The following SAA4 variants were observed in gnomAD, a reference collection of about 807,000 sequenced individuals.
SAA4 encodes serum amyloid A4, constitutive, also known as serum amyloid A-4 protein.
In SAA4, 8 loss-of-function variants were observed where a neutral mutation model predicts 11.2. The ratio of observed to expected loss-of-function variants is 0.71; its 90% confidence interval spans 0.42 to 1.29. SAA4 has a LOEUF of 1.29. SAA4 is among the 50% of genes most tolerant of loss of function. SAA4 has a pLI of 0.01. For synonymous variants in SAA4, 60 were observed against 56.2 expected (o/e 1.07, Z -0.30); for missense variants, 171 against 164.2 (o/e 1.04, Z -0.23).
Position 18,231,436 on chromosome 11 carries a change from C to A in SAA4, c.*66G>T. ...GACACAAAGCTCAGTGACCCTGTGT[C>A]CCTGTCTGGGGGGAGAAGTGTGTGG... On this transcript the variant is annotated 3_prime_UTR_variant, in exon 4 of 4. Coordinates refer to ENST00000278222, the MANE Select transcript of SAA4 (RefSeq NM_006512.4). The A allele has an allele frequency of 6.4e-7, 1 of 1,570,796 alleles. No individual in the cohort carries two copies. Among genetic ancestry groups the A allele is most frequent in the Non-Finnish European group, 8.6e-7 (1 of 1,161,932 alleles).
At chr11:18,231,717 C>T in intron 3 of SAA4, 53 bp from the exon 4 acceptor site, 1 of 1,555,946 alleles carries the variant, frequency 6.4e-7, no homozygotes, top group Non-Finnish European at 8.7e-7. Flanking sequence ...CACCTGCTCA[C>T]CTGAGACAGC....
At chr11:18,231,686 CAGG>C (rs758847966) in intron 3 of SAA4, 22 bp from the exon 4 acceptor site, 1 of 1,601,546 alleles carries the variant, frequency 6.2e-7, no homozygotes, top group Non-Finnish European at 8.5e-7. Context: ...AGAAAGGAGA[CAGG>C]AGATTAATCT....
At chr11:18,232,302 G>T (rs1857145929) in intron 3 of SAA4, 93 bp downstream of exon 3, 8 of 1,537,776 alleles carry the variant, frequency 5.2e-6, no homozygotes, top group Non-Finnish European at 7.0e-6. Flanking sequence ...CCAGGAGTAT[G>T]TGGAGGAGGG....
chr11:18,235,684 G>C, intron 2 of SAA4, 152 bp downstream of exon 2: 1 of 685,446 alleles, frequency 1.5e-6, no homozygotes, highest in Non-Finnish European at 2.4e-6. Context: ...TGATAAATCA[G>C]ACCAGCCTAG....
At chr11:18,236,201 G>A (rs1360832214) in intron 1 of SAA4, among the ~76,000 whole-genome samples, 4 of 148,224 alleles carry the variant, frequency 2.7e-5, no homozygotes, top group South Asian at 2.2e-4. Context: ...GACTACAAAC[G>A]TGCACCATCA....
intron 1 of SAA4, among the ~76,000 whole-genome samples, chr11:18,236,438 C>T (rs114523637): frequency 0.013 from 2,013 of 152,160 alleles, 45 homozygotes; most frequent in African/African-American, 0.046. Flanking sequence ...AAGATTGAAA[C>T]GGGTTTTAAG....
In SAA4 at chr11:18,231,922, G is replaced by T. The variant is rs970896697; in HGVS notation, c.231-258C>A. Among the ~76,000 whole-genome samples the T allele has an allele frequency of 9.0e-5, 10 of 110,734 alleles. No individual in the cohort carries two copies. The South Asian group carries it at 2.7e-3, about 30-fold the overall frequency. The allele number at this position is 110,734 out of a possible 152,430, so 72.6% of individuals were successfully genotyped here. On this transcript the variant is annotated intron_variant, in intron 3 of 3. Coordinates refer to ENST00000278222, the MANE Select transcript of SAA4 (RefSeq NM_006512.4). ...TTTTGAGACAGGGTCTCATTCTGTTGCCCAGGCTGGAGTGCAGTGGCTCAA... is the reference window on the plus strand; with the variant it reads ...TTTTGAGACAGGGTCTCATTCTGTTTCCCAGGCTGGAGTGCAGTGGCTCAA...
Position 18,235,921 on chromosome 11 carries a change from C to T in SAA4, c.6G>A (p.Arg2=). Residue 2 remains arginine, a synonymous_variant, in exon 2 of 4, where the codon AGG becomes AGA. Coordinates refer to ENST00000278222, the MANE Select transcript of SAA4 (RefSeq NM_006512.4). The part of the protein sequence containing the change: M[R]LFTGIVFCSL... Reference sequence around the variant, plus strand: ...AGCAGAAAACAATGCCTGTGAAAAGCCTCATTGTGCTGAAGAGAAAGAAAG... The same window carrying T: ...AGCAGAAAACAATGCCTGTGAAAAGTCTCATTGTGCTGAAGAGAAAGAAAG... 1.2e-6 allele frequency: 2 copies of T among 1,612,468 alleles called. No individual in the cohort carries two copies. Among genetic ancestry groups the T allele is most frequent in the Non-Finnish European group, 1.7e-6 (2 of 1,179,272 alleles).
intron 3 of SAA4, among the ~76,000 whole-genome samples, 165 bp downstream of exon 3, chr11:18,232,230 T>C (rs943364408): frequency 2.0e-5 from 3 of 152,114 alleles, no homozygotes; most frequent in African/African-American, 7.2e-5. Context: ...TTACTTTCCC[T>C]TGTGGGTGAA....
At chr11:18,235,092 A>G (rs1381844421) in intron 2 of SAA4, among the ~76,000 whole-genome samples, 1 of 152,240 alleles carries the variant, frequency 6.6e-6, no homozygotes, top group Non-Finnish European at 1.5e-5. Context: ...AAACTTTTTA[A>G]AAACTATTTA....
At chr11:18,232,572 A>G (rs779397993) in intron 2 of SAA4, 39 bp from the exon 3 acceptor site, 3 of 1,591,590 alleles carry the variant, frequency 1.9e-6, no homozygotes, top group Middle Eastern at 1.7e-4. Context: ...ACCCAGTGAC[A>G]TACTGGAGAA....
chr11:18,234,956 T>C (rs1857188610), intron 2 of SAA4, among the ~76,000 whole-genome samples: 1 of 152,170 alleles, frequency 6.6e-6, no homozygotes, highest in Non-Finnish European at 1.5e-5. Context: ...GGCTTCAGAG[T>C]GTACTTTTAA....
chr11:18,235,147 T>C (rs1351489775), intron 2 of SAA4, among the ~76,000 whole-genome samples: 2 of 152,150 alleles, frequency 1.3e-5, no homozygotes, highest in African/African-American at 4.8e-5. Context: ...AAAATGAAAA[T>C]TTATAAAATT....
intron 2 of SAA4, among the ~76,000 whole-genome samples, chr11:18,233,244 T>C (rs1170002797): frequency 1.3e-5 from 2 of 152,190 alleles, no homozygotes; most frequent in African/African-American, 4.8e-5. Flanking sequence ...GACAATTAAG[T>C]GTCAGTTTCC....
chr11:18,232,559 TGAAC>T, intron 2 of SAA4, 26 bp from the exon 3 acceptor site: 1 of 1,605,824 alleles, frequency 6.2e-7, no homozygotes, highest in South Asian at 1.1e-5. Context: ...ATGACAAAAA[TGAAC>T]CCAGTGACAT....
chr11:18,232,665 C>T, intron 2 of SAA4, 132 bp from the exon 3 acceptor site: 2 of 1,340,572 alleles, frequency 1.5e-6, no homozygotes, highest in Non-Finnish European at 2.0e-6. Context: ...TGGAGATAAA[C>T]ATTACTTCCT....
At chr11:18,232,373 A>T in intron 3 of SAA4, 22 bp downstream of exon 3, 1 of 1,611,984 alleles carries the variant, frequency 6.2e-7, no homozygotes, top group East Asian at 2.2e-5. Flanking sequence ...CTCTCACTGG[A>T]GTCCCCGGGA....
In SAA4 at chr11:18,231,608, C is replaced by T. The variant is rs146817771; in HGVS notation, c.287G>A (p.Ser96Asn). 1.2e-6 allele frequency: 2 copies of T among 1,614,048 alleles called. No homozygotes were observed. Among genetic ancestry groups the T allele is most frequent in the African/African-American group, 2.7e-5 (2 of 74,912 alleles). The part of the protein sequence containing the change: ...LIDCYLFGNS[S>N]TVLEDSKSNE... ...GGACTTCGAGTCCTCCAATACAGTG[C>T]TGCTGTTTCCAAATAAATAGCAGTC... Residue 96 changes from serine to asparagine, a missense_variant, in exon 4 of 4, where the codon AGC (serine) becomes AAC (asparagine). Physicochemically the swap from Ser to Asn is conservative, Grantham distance 46. Transcript: ENST00000278222.
chr11:18,234,249 G>C (rs1261807953), intron 2 of SAA4, among the ~76,000 whole-genome samples: 2 of 152,170 alleles, frequency 1.3e-5, no homozygotes, highest in African/African-American at 4.8e-5. Context: ...AACAATGATA[G>C]AGGTAAGAAT....
Sources: gnomAD v4.1 joint callset for allele counts (sites outside exome capture counted in the v4.1 genomes callset) on GRCh38, gnomAD v4.1.1 for gene constraint, MANE v1.5 for transcripts, NCBI Gene and HGNC (gene_info 2026-07-23, HGNC 2026-07-21) for gene names.